ERICH1: variants seen among roughly 807,000 people sequenced by gnomAD.
ERICH1 encodes glutamate rich 1, also known as glutamate-rich protein 1.
ERICH1 carries 56 observed loss-of-function variants against 39.6 expected under a neutral mutation model. The ratio of observed to expected loss-of-function variants is 1.41; its 90% confidence interval spans 1.14 to 1.77. The LOEUF is 1.77. Among genes scored for constraint, ERICH1 ranks in the 40% most tolerant of loss-of-function variants. The pLI is 0.00. For synonymous variants in ERICH1, 313 were observed against 223.6 expected, an observed-to-expected ratio of 1.40 and a Z score of -3.57; for missense variants, 826 against 575.4, an observed-to-expected ratio of 1.44 and a Z score of -4.45.
chr8:625,575 T>C (rs1797559277), intron 3 of ERICH1: 1 of 152,238 alleles, frequency 6.6e-6, no homozygotes, highest in African/African-American at 2.4e-5. Context: ...ACTCTGAATA[T>C]ACTAAAAGCT....
chr8:624,692 G>T (rs1307114461), intron 3 of ERICH1, among the ~76,000 whole-genome samples: 2 of 151,764 alleles, frequency 1.3e-5, no homozygotes, highest in African/African-American at 4.8e-5. Flanking sequence ...AGGGGGAGGC[G>T]CTACACACTT....
At chr8:689,101 C>G (rs908955721) in intron 3 of ERICH1, among the ~76,000 whole-genome samples, 1 of 148,534 alleles carries the variant, frequency 6.7e-6, no homozygotes, top group Non-Finnish European at 1.5e-5. Flanking sequence ...AGGTGAAGAG[C>G]TCACGTATGA....
intron 3 of ERICH1, among the ~76,000 whole-genome samples, chr8:658,229 C>T (rs1465278396): frequency 2.0e-5 from 3 of 152,216 alleles, no homozygotes; most frequent in Non-Finnish European, 4.4e-5. Flanking sequence ...CCAGCCTGGC[C>T]CCTTGCTTGC....
intron 3 of ERICH1, among the ~76,000 whole-genome samples, chr8:678,641 C>G (rs1805396314): frequency 6.6e-6 from 1 of 152,136 alleles, no homozygotes; most frequent in South Asian, 2.1e-4. Context: ...AACCCAGTCT[C>G]TACTAAAAAT....
intron 3 of ERICH1, among the ~76,000 whole-genome samples, chr8:656,241 G>T (rs1469742113): frequency 6.6e-6 from 1 of 152,080 alleles, no homozygotes; most frequent in African/African-American, 2.4e-5. Flanking sequence ...CTCCCGTCTG[G>T]GTGCTCAGTG....
intron 2 of ERICH1, among the ~76,000 whole-genome samples, chr8:697,223 C>G (rs1052913902): frequency 6.6e-6 from 1 of 152,204 alleles, no homozygotes; most frequent in Non-Finnish European, 1.5e-5. Context: ...CTGAGGCTCC[C>G]GTCCATCCTG....
At chr8:717,095 C>G (rs1319729270) in intron 1 of ERICH1, among the ~76,000 whole-genome samples, 1 of 152,178 alleles carries the variant, frequency 6.6e-6, no homozygotes, top group Admixed American at 6.5e-5. Context: ...TGGTCATGAA[C>G]AAGGTGGCTG....
At chr8:623,771 T>C (rs1326459069) in intron 3 of ERICH1, among the ~76,000 whole-genome samples, 2 of 152,186 alleles carry the variant, frequency 1.3e-5, no homozygotes, top group African/African-American at 4.8e-5. Flanking sequence ...CCACAGACCT[T>C]AGTGTCATAA....
chr8:681,371 C>A (rs554869074), intron 3 of ERICH1, among the ~76,000 whole-genome samples: 7 of 152,228 alleles, frequency 4.6e-5, no homozygotes, highest in Non-Finnish European at 7.3e-5. Flanking sequence ...ATTTAAAACA[C>A]GTGCCTGCAT....
At chr8:729,651 T>C (rs958458402) in intron 1 of ERICH1, among the ~76,000 whole-genome samples, 6 of 152,128 alleles carry the variant, frequency 3.9e-5, no homozygotes, top group South Asian at 2.1e-4. Flanking sequence ...TGGGATTTAT[T>C]AATCTATCCT....
chr8:620,779 T>C (rs6992909), intron 3 of ERICH1, among the ~76,000 whole-genome samples: 41,876 of 152,050 alleles, frequency 0.28, 6,217 homozygotes, highest in Middle Eastern at 0.39. Flanking sequence ...CCCCAAAATA[T>C]ATAAAGCAAA....
Position 694,252 on chromosome 8 carries a change from A to C in ERICH1, c.170-1640T>G, listed in dbSNP as rs558174209. On this transcript the variant is annotated intron_variant, in intron 2 of 5. Coordinates refer to ENST00000262109, the MANE Select transcript of ERICH1 (RefSeq NM_207332.3). ...TTCTTAAACTAATCTGATTCACCGCAGCTGATTAATTACTATGTCATTCCC... is the reference window on the plus strand; with the variant it reads ...TTCTTAAACTAATCTGATTCACCGCCGCTGATTAATTACTATGTCATTCCC... 2.0e-5 allele frequency among the ~76,000 whole-genome samples: 3 copies of C among 152,336 alleles called. No homozygotes were observed. The South Asian group carries it at 6.2e-4, about 32-fold the overall frequency.
At chr8:728,046 G>A (rs962251971) in intron 1 of ERICH1, among the ~76,000 whole-genome samples, 7 of 152,180 alleles carry the variant, frequency 4.6e-5, no homozygotes, top group African/African-American at 9.6e-5. Context: ...CGGGGCTCCC[G>A]CCTCCATGAG....
intron 3 of ERICH1, among the ~76,000 whole-genome samples, chr8:637,279 G>A (rs1584985266): frequency 1.3e-5 from 2 of 152,332 alleles, no homozygotes; most frequent in East Asian, 3.9e-4. Flanking sequence ...ATTCCTAGCT[G>A]CTTCCCAGAG....
intron 3 of ERICH1, among the ~76,000 whole-genome samples, chr8:653,829 G>C (rs955096510): frequency 1.3e-4 from 20 of 151,814 alleles, no homozygotes; most frequent in Non-Finnish European, 2.9e-5. Context: ...TGGAGCCACA[G>C]AGACAGAAAG....
At chr8:720,939 C>T (rs905286042) in intron 1 of ERICH1, among the ~76,000 whole-genome samples, 6 of 152,150 alleles carry the variant, frequency 3.9e-5, no homozygotes, top group Non-Finnish European at 7.3e-5. Context: ...GAGCACGTCC[C>T]GCACAATGCT....
intron 2 of ERICH1, among the ~76,000 whole-genome samples, chr8:707,197 T>A (rs970957899): frequency 7.3e-6 from 1 of 136,078 alleles, no homozygotes; most frequent in African/African-American, 2.6e-5. Context: ...GCCAACTGAT[T>A]TTTTTTGTTT....
At chr8:720,549 T>C (rs1165856296) in intron 1 of ERICH1, among the ~76,000 whole-genome samples, 1 of 152,190 alleles carries the variant, frequency 6.6e-6, no homozygotes, top group Non-Finnish European at 1.5e-5. Flanking sequence ...AGTTTTCATA[T>C]GGAGGGTGGG....
chr8:713,097 G>A (rs1204859631), intron 2 of ERICH1, among the ~76,000 whole-genome samples: 1 of 152,220 alleles, frequency 6.6e-6, no homozygotes, highest in African/African-American at 2.4e-5. Context: ...GTTGTCACAG[G>A]GTCAAGCCTC....
Sources: allele counts gnomAD v4.1 joint callset (sites outside exome capture counted in the v4.1 genomes callset), GRCh38; gene constraint gnomAD v4.1.1; transcripts MANE v1.5; gene names NCBI Gene and HGNC (gene_info 2026-07-23, HGNC 2026-07-21).